Variants in CDH12 observed in about 807,000 individuals in gnomAD.
The protein encoded by CDH12 is cadherin-12.
Under a neutral mutation model 74.1 loss-of-function variants are expected in CDH12, and 41 were observed. The ratio of observed to expected loss-of-function variants is 0.55; its 90% CI spans 0.43 to 0.72. The LOEUF is 0.72. Among genes scored for constraint, CDH12 ranks in the 30% least tolerant of loss-of-function variants. The probability of loss-of-function intolerance (pLI) is 0.00; values close to 1 mark genes in which losing one functional copy is unlikely to be tolerated. For missense variants in CDH12, 945 were observed against 977.2 expected, an observed-to-expected ratio of 0.97 and a Z score of 0.44; for synonymous variants, 399 against 355.0, an observed-to-expected ratio of 1.12 and a Z score of -1.39.
intron 5 of CDH12, among the ~76,000 whole-genome samples, chr5:22,041,110 A>C (rs1451012769): frequency 1.3e-5 from 2 of 152,104 alleles, no homozygotes; most frequent in Non-Finnish European, 2.9e-5. Context: ...AAATGTTATC[A>C]GCAGAGAATA....
intron 7 of CDH12, among the ~76,000 whole-genome samples, chr5:21,845,600 G>A (rs1237945588): frequency 6.8e-6 from 1 of 147,196 alleles, no homozygotes; most frequent in Non-Finnish European, 1.5e-5. Context: ...CCCACAGCAT[G>A]GCTTCAGGAA....
At chr5:22,558,529 A>C (rs1273793182) in intron 1 of CDH12, among the ~76,000 whole-genome samples, 1 of 152,110 alleles carries the variant, frequency 6.6e-6, no homozygotes, top group Admixed American at 6.6e-5. Context: ...ACCTCTGCTC[A>C]CTAAGAGTTA....
chr5:22,307,021 T>C (rs1415109988), intron 3 of CDH12, among the ~76,000 whole-genome samples: 1 of 152,200 alleles, frequency 6.6e-6, no homozygotes, highest in African/African-American at 2.4e-5. Flanking sequence ...CTAAGTGGCT[T>C]TTAGAGTGGA....
intron 3 of CDH12, among the ~76,000 whole-genome samples, chr5:22,319,941 G>A (rs916121408): frequency 3.3e-5 from 5 of 151,968 alleles, no homozygotes; most frequent in South Asian, 2.1e-4. Flanking sequence ...GGGAAGAGAC[G>A]GGAGCAGGAG....
chr5:22,349,821 G>A (rs530230041), intron 3 of CDH12, among the ~76,000 whole-genome samples: 6 of 152,182 alleles, frequency 3.9e-5, no homozygotes, highest in South Asian at 4.2e-4. Context: ...TGCAAGCTCC[G>A]CCTCCCGGGT....
At chr5:22,101,785 A>G (rs139451446) in intron 4 of CDH12, among the ~76,000 whole-genome samples, 2 of 152,194 alleles carry the variant, frequency 1.3e-5, no homozygotes, top group African/African-American at 4.8e-5. Flanking sequence ...GCAGATGAGA[A>G]AACTGGGATG....
chr5:22,564,676 T>C (rs1186747526), intron 1 of CDH12, among the ~76,000 whole-genome samples: 1 of 152,218 alleles, frequency 6.6e-6, no homozygotes, highest in Non-Finnish European at 1.5e-5. Context: ...TAGATCTAAT[T>C]ACTCTAGATA....
chr5:22,486,085 A>T (rs1190388940), intron 2 of CDH12, among the ~76,000 whole-genome samples: 2 of 152,194 alleles, frequency 1.3e-5, no homozygotes. Flanking sequence ...GCCTGCCCTC[A>T]GCCTCTCCTC....
chr5:21,847,966 C>T (rs1750267094), intron 7 of CDH12, among the ~76,000 whole-genome samples: 1 of 152,016 alleles, frequency 6.6e-6, no homozygotes, highest in African/African-American at 2.4e-5. Context: ...AAATGGCTAG[C>T]TAGAAGAATA....
chr5:22,429,018 ATATATT>A (rs1561397452), intron 2 of CDH12, among the ~76,000 whole-genome samples: 1 of 152,106 alleles, frequency 6.6e-6, no homozygotes, highest in African/African-American at 2.4e-5. Context: ...CTCATGTAAA[ATATATT>A]TATTATAATT....
At chr5:21,976,558 C>T (rs1757080416) in intron 5 of CDH12, among the ~76,000 whole-genome samples, 1 of 150,346 alleles carries the variant, frequency 6.7e-6, no homozygotes, top group Admixed American at 6.6e-5. Flanking sequence ...ATATACATAA[C>T]ATAGTCTTAT....
intron 4 of CDH12, among the ~76,000 whole-genome samples, chr5:22,191,069 G>C (rs1026685100): frequency 6.6e-6 from 1 of 152,096 alleles, no homozygotes; most frequent in Admixed American, 6.5e-5. Context: ...CTGTATGACT[G>C]TGTTCCTTCA....
At chr5:22,808,170 T>C (rs751039285) in intron 1 of CDH12, among the ~76,000 whole-genome samples, 53 of 152,186 alleles carry the variant, frequency 3.5e-4, no homozygotes, top group Non-Finnish European at 1.3e-4. Flanking sequence ...CTATATTATG[T>C]GAGGAATCAA....
At chr5:21,801,849 A>C (rs935356774) in intron 10 of CDH12, among the ~76,000 whole-genome samples, 1 of 152,168 alleles carries the variant, frequency 6.6e-6, no homozygotes, top group African/African-American at 2.4e-5. Flanking sequence ...AATTATGAGA[A>C]TCATTCTCTA....
intron 1 of CDH12, among the ~76,000 whole-genome samples, chr5:22,784,367 A>C (rs778234117): frequency 3.9e-5 from 6 of 152,056 alleles, no homozygotes; most frequent in Non-Finnish European, 7.4e-5. Context: ...TTCTTGCTAT[A>C]CTTTGCTACT....
chr5:21,764,882 A>G, intron 12 of CDH12, 96 bp downstream of exon 12: 1 of 1,167,496 alleles, frequency 8.6e-7, no homozygotes, highest in South Asian at 1.3e-5. Flanking sequence ...ATTCAGAAAA[A>G]CAAATATATG....
intron 2 of CDH12, among the ~76,000 whole-genome samples, chr5:22,450,212 C>A (rs565146760): frequency 3.6e-4 from 54 of 152,010 alleles, no homozygotes; most frequent in Admixed American, 5.2e-4. Flanking sequence ...TGTTTTAGCC[C>A]TTCCAAGCTG....
intron 9 of CDH12, among the ~76,000 whole-genome samples, chr5:21,809,302 A>G (rs1447811146): frequency 6.6e-6 from 1 of 152,104 alleles, no homozygotes; most frequent in African/African-American, 2.4e-5. Context: ...AAGAATTGCA[A>G]GAAACTCTAG....
At chr5:22,554,138 G>A (rs974004854) in intron 1 of CDH12, among the ~76,000 whole-genome samples, 3 of 152,130 alleles carry the variant, frequency 2.0e-5, no homozygotes, top group Non-Finnish European at 4.4e-5. Flanking sequence ...AAGATCAGGT[G>A]TTGCTGGGAA....
Sources: gnomAD v4.1 joint callset for allele counts (sites outside exome capture counted in the v4.1 genomes callset) on GRCh38, gnomAD v4.1.1 for gene constraint, MANE v1.5 for transcripts, NCBI Gene and HGNC (gene_info 2026-07-23, HGNC 2026-07-21) for gene names.